Variants in PRDM5 observed in about 807,000 individuals in gnomAD.
The protein encoded by PRDM5 is PR domain zinc finger protein 5.
Under a neutral mutation model 81.2 loss-of-function variants are expected in PRDM5, and 56 were observed. The ratio of observed to expected loss-of-function variants is 0.69; its 90% confidence interval spans 0.56 to 0.86. PRDM5 has a LOEUF of 0.86. Among genes scored for constraint, PRDM5 ranks in the 40% least tolerant of loss-of-function variants. The pLI, the probability that PRDM5 is intolerant of heterozygous loss-of-function variation, is 0.00. For missense variants in PRDM5, 697 were observed against 770.1 expected (o/e 0.91, Z 1.12); for synonymous variants, 267 against 256.4 (o/e 1.04, Z -0.39).
At chr4:120,799,415 GAGTA>G (rs2149286376) in intron 9 of PRDM5, among the ~76,000 whole-genome samples, 1 of 152,260 alleles carries the variant, frequency 6.6e-6, no homozygotes, top group South Asian at 2.1e-4. Flanking sequence ...GCTCAAGGAG[GAGTA>G]AGTGACAAAT....
intron 3 of PRDM5, among the ~76,000 whole-genome samples, chr4:120,839,710 A>C (rs976629956): frequency 3.3e-5 from 5 of 152,094 alleles, no homozygotes; most frequent in Non-Finnish European, 7.4e-5. Context: ...CTCACCGGGT[A>C]CCTGCCCCCT....
At position 120,875,924 on chromosome 4, in the gene PRDM5, A is replaced by C. The variant is rs539317918; in HGVS notation, c.178-22384T>G. Among the ~76,000 whole-genome samples the C allele has an allele frequency of 2.6e-5, 4 of 152,330 alleles. No homozygotes were observed. The East Asian group carries it at 5.8e-4, about 22-fold the overall frequency. ...AAAGCTATAAAATCATCATTATTTC[A>C]AAAGTGTATAGAGTTTGTTCTGCTA... On this transcript the variant is annotated intron_variant, in intron 2 of 15. Transcript: ENST00000264808.
At chr4:120,754,092 A>T (rs1361219153) in intron 14 of PRDM5, among the ~76,000 whole-genome samples, 1 of 152,162 alleles carries the variant, frequency 6.6e-6, no homozygotes, top group Non-Finnish European at 1.5e-5. Flanking sequence ...ACTGAGCTAC[A>T]CTTCCTTATT....
intron 3 of PRDM5, among the ~76,000 whole-genome samples, chr4:120,846,664 C>T (rs1442042191): frequency 1.3e-5 from 2 of 152,112 alleles, no homozygotes; most frequent in Non-Finnish European, 2.9e-5. Context: ...CCCAGAGCAT[C>T]CCCAGGTGTG....
chr4:120,760,470 A>G (rs1259125040), intron 13 of PRDM5, among the ~76,000 whole-genome samples: 1 of 152,210 alleles, frequency 6.6e-6, no homozygotes, highest in African/African-American at 2.4e-5. Flanking sequence ...TATTAGATTA[A>G]TAAAATAGAT....
chr4:120,798,959 T>C (rs1751728283), intron 9 of PRDM5, among the ~76,000 whole-genome samples: 1 of 152,298 alleles, frequency 6.6e-6, no homozygotes, highest in African/African-American at 2.4e-5. Flanking sequence ...ACCTAAAAGA[T>C]AACAGGTTTT....
chr4:120,716,903 C>T (rs1737840084), intron 14 of PRDM5, among the ~76,000 whole-genome samples: 1 of 151,864 alleles, frequency 6.6e-6, no homozygotes, highest in Non-Finnish European at 1.5e-5. Flanking sequence ...TCACATAGAC[C>T]CTCCCTTACT....
At chr4:120,762,792 C>T (rs778555977) in intron 13 of PRDM5, 1 of 152,160 alleles carries the variant, frequency 6.6e-6, no homozygotes, top group Non-Finnish European at 1.5e-5. Flanking sequence ...CACCTTGTTA[C>T]TCTTGGAATG....
intron 2 of PRDM5, among the ~76,000 whole-genome samples, chr4:120,894,061 T>C (rs1002958156): frequency 6.6e-6 from 1 of 152,206 alleles, no homozygotes; most frequent in Admixed American, 6.5e-5. Flanking sequence ...ATACTTACCA[T>C]GTTACTATTT....
chr4:120,922,430 C>G, intron 1 of PRDM5, 86 bp downstream of exon 1: 5 of 1,215,454 alleles, frequency 4.1e-6, no homozygotes, highest in Non-Finnish European at 5.2e-6. Context: ...AAGCCCGCCG[C>G]GCCCCGGGCC....
In PRDM5 at chr4:120,730,545, A is replaced by G. The variant is rs149723346; in HGVS notation, c.1624-20132T>C. Reference sequence around the variant, plus strand: ...ATTAAAATTCTCTGAATAGAGAACAAGATGAACATAAATTTCTGTTCCAGA... The same window carrying G: ...ATTAAAATTCTCTGAATAGAGAACAGGATGAACATAAATTTCTGTTCCAGA... On this transcript the variant is annotated intron_variant, in intron 14 of 15. Transcript: ENST00000264808. Among the ~76,000 whole-genome samples the G allele has an allele frequency of 3.0e-4, 45 of 152,372 alleles. No individual in the cohort carries two copies. In the East Asian group the frequency reaches 5.6e-3, roughly 19 times the overall value.
intron 14 of PRDM5, among the ~76,000 whole-genome samples, chr4:120,733,289 G>A (rs544749253): frequency 6.6e-6 from 1 of 152,164 alleles, no homozygotes; most frequent in South Asian, 2.1e-4. Context: ...CCCAGCACCT[G>A]GGACTCCTCA....
At chr4:120,905,880 A>G (rs1474873995) in intron 2 of PRDM5, among the ~76,000 whole-genome samples, 4 of 152,106 alleles carry the variant, frequency 2.6e-5, no homozygotes, top group African/African-American at 9.7e-5. Flanking sequence ...TCACAATGCA[A>G]TGTTTCAGTC....
intron 2 of PRDM5, among the ~76,000 whole-genome samples, chr4:120,870,751 C>T (rs1370487802): frequency 1.3e-5 from 2 of 152,182 alleles, no homozygotes; most frequent in Admixed American, 6.5e-5. Context: ...CTCCGTGTGA[C>T]ATTTGGTGGC....
In PRDM5 at chr4:120,775,392, T is replaced by C. The variant is rs535838224; in HGVS notation, c.1537+1796A>G. ...TACTAGTGTAAGTGCTTTATTCTTCTCCACTGCCTAGCCATACTATGAGTA... is the reference window on the plus strand; with the variant it reads ...TACTAGTGTAAGTGCTTTATTCTTCCCCACTGCCTAGCCATACTATGAGTA... On this transcript the variant is annotated intron_variant, in intron 13 of 15. Coordinates refer to ENST00000264808, the MANE Select transcript of PRDM5 (RefSeq NM_018699.4). Among the ~76,000 whole-genome samples, 5 of 152,254 alleles carry C rather than the reference T, an allele frequency of 3.3e-5. No homozygotes were observed. The South Asian group carries it at 1.0e-3, about 32-fold the overall frequency.
intron 15 of PRDM5, among the ~76,000 whole-genome samples, chr4:120,708,669 C>T (rs1736532162): frequency 6.6e-6 from 1 of 151,992 alleles, no homozygotes; most frequent in South Asian, 2.1e-4. Context: ...AATGCAGCAC[C>T]TTGGTAGGGT....
At chr4:120,708,799 A>AGAG (rs1424732157) in intron 15 of PRDM5, among the ~76,000 whole-genome samples, 1 of 152,124 alleles carries the variant, frequency 6.6e-6, no homozygotes, top group African/African-American at 2.4e-5. Context: ...GAGCTCTTTA[A>AGAG]GAGGGAGAGA....
At chr4:120,848,914 A>T (rs1758950753) in intron 3 of PRDM5, among the ~76,000 whole-genome samples, 2 of 152,300 alleles carry the variant, frequency 1.3e-5, no homozygotes, top group South Asian at 2.1e-4. Context: ...TAAGTTATTT[A>T]ACTGTTATTT....
intron 13 of PRDM5, among the ~76,000 whole-genome samples, chr4:120,775,514 T>G (rs1748021627): frequency 6.6e-6 from 1 of 152,212 alleles, no homozygotes; most frequent in Non-Finnish European, 1.5e-5. Context: ...TGCTGGTAGC[T>G]ATGTCTTAAT....
Sources: allele counts gnomAD v4.1 joint callset (sites outside exome capture counted in the v4.1 genomes callset), GRCh38; gene constraint gnomAD v4.1.1; transcripts MANE v1.5; gene names NCBI Gene and HGNC (gene_info 2026-07-23, HGNC 2026-07-21).